Variants in EYA4 observed in about 807,000 individuals in gnomAD.
The protein encoded by EYA4 is EYA transcriptional coactivator and phosphatase 4.
EYA4 carries 31 observed loss-of-function variants against 87.9 expected under a neutral mutation model. That is an observed-to-expected ratio of 0.35 (90% CI 0.27 to 0.48). EYA4 has a LOEUF of 0.48. Among genes scored for constraint, EYA4 ranks in the 20% least tolerant of loss-of-function variants. The probability of loss-of-function intolerance (pLI) is 0.99; values close to 1 mark genes in which losing one functional copy is unlikely to be tolerated. For synonymous variants in EYA4, 263 were observed against 270.6 expected, an observed-to-expected ratio of 0.97 and a Z score of 0.28; for missense variants, 678 against 761.4, an observed-to-expected ratio of 0.89 and a Z score of 1.29.
intron 2 of EYA4, among the ~76,000 whole-genome samples, chr6:133,319,511 C>CCTTT (rs373603703): frequency 5.5e-5 from 8 of 145,438 alleles, no homozygotes; most frequent in African/African-American, 2.0e-4. Flanking sequence ...GATAGTGTCC[C>CCTTT]TTTTTTTTTT....
intron 2 of EYA4, among the ~76,000 whole-genome samples, chr6:133,359,114 G>A (rs577346532): frequency 6.6e-6 from 1 of 152,302 alleles, no homozygotes; most frequent in East Asian, 1.9e-4. Context: ...TCTGACAAAA[G>A]ATACAGAATC....
At chr6:133,467,158 T>C (rs193295020) in intron 10 of EYA4, among the ~76,000 whole-genome samples, 1 of 152,214 alleles carries the variant, frequency 6.6e-6, no homozygotes, top group East Asian at 1.9e-4. Context: ...TATTCCCCAG[T>C]GGGGAATAGC....
At chr6:133,279,669 C>A (rs188919505) in intron 2 of EYA4, among the ~76,000 whole-genome samples, 1 of 151,880 alleles carries the variant, frequency 6.6e-6, no homozygotes. Context: ...TTATTTTTAT[C>A]TCTCTCTTGT....
chr6:133,311,401 C>T (rs1780204111), intron 2 of EYA4, among the ~76,000 whole-genome samples: 1 of 152,144 alleles, frequency 6.6e-6, no homozygotes, highest in Non-Finnish European at 1.5e-5. Flanking sequence ...TCACGGCTCA[C>T]TGCAGCCTCT....
intron 14 of EYA4, among the ~76,000 whole-genome samples, chr6:133,511,980 A>T (rs1000120086): frequency 4.6e-5 from 4 of 86,962 alleles, no homozygotes; most frequent in African/African-American, 2.5e-4. Context: ...GATTCCATAT[A>T]AAAAAAAAAA....
At chr6:133,504,262 G>A (rs1177206259) in intron 13 of EYA4, among the ~76,000 whole-genome samples, 1 of 152,100 alleles carries the variant, frequency 6.6e-6, no homozygotes, top group African/African-American at 2.4e-5. Context: ...ATATTTGTTG[G>A]CTAAAACAGA....
chr6:133,490,863 A>G (rs1797088544), intron 13 of EYA4, among the ~76,000 whole-genome samples: 1 of 152,230 alleles, frequency 6.6e-6, no homozygotes, highest in African/African-American at 2.4e-5. Flanking sequence ...AAATGGACCT[A>G]ATAGATATTT....
intron 5 of EYA4, among the ~76,000 whole-genome samples, chr6:133,450,712 C>T (rs1349316011): frequency 2.0e-5 from 3 of 152,274 alleles, no homozygotes; most frequent in South Asian, 2.1e-4. Flanking sequence ...GGTTTCACCA[C>T]GTTGGCCAGG....
At chr6:133,406,872 A>T (rs559586644) in intron 3 of EYA4, among the ~76,000 whole-genome samples, 1 of 152,304 alleles carries the variant, frequency 6.6e-6, no homozygotes, top group South Asian at 2.1e-4. Flanking sequence ...AATTAGGGAG[A>T]AATGCAGAAT....
chr6:133,280,354 T>A (rs1189293979), intron 2 of EYA4, among the ~76,000 whole-genome samples: 1 of 152,242 alleles, frequency 6.6e-6, no homozygotes, highest in African/African-American at 2.4e-5. Context: ...TGTTTCATAA[T>A]CATTAAGGCT....
intron 1 of EYA4, among the ~76,000 whole-genome samples, chr6:133,254,387 T>G (rs904970585): frequency 6.6e-6 from 1 of 152,186 alleles, no homozygotes; most frequent in Non-Finnish European, 1.5e-5. Context: ...CCCAGATGTA[T>G]CTATTAAAAA....
chr6:133,508,076 G>A (rs1042221879), intron 14 of EYA4, among the ~76,000 whole-genome samples: 8 of 152,114 alleles, frequency 5.3e-5, no homozygotes, highest in South Asian at 4.1e-4. Flanking sequence ...GTAAAAATGA[G>A]TGGTTCAGTA....
intron 1 of EYA4, among the ~76,000 whole-genome samples, chr6:133,255,446 A>G (rs1406683714): frequency 6.6e-6 from 1 of 152,124 alleles, no homozygotes; most frequent in African/African-American, 2.4e-5. Context: ...TCAGTGATCA[A>G]CTTTTGATTT....
chr6:133,266,022 C>T (rs762607197), intron 1 of EYA4, among the ~76,000 whole-genome samples: 9 of 152,072 alleles, frequency 5.9e-5, no homozygotes, highest in African/African-American at 1.2e-4. Flanking sequence ...ACTTTGATGA[C>T]GTCTTAAAAA....
intron 2 of EYA4, among the ~76,000 whole-genome samples, chr6:133,306,632 T>G (rs1409885700): frequency 6.6e-6 from 1 of 152,232 alleles, no homozygotes; most frequent in East Asian, 1.9e-4. Flanking sequence ...TGTTTTATAT[T>G]TAATTATATT....
At chr6:133,403,132 A>G (rs138587347) in intron 3 of EYA4, among the ~76,000 whole-genome samples, 125 of 152,286 alleles carry the variant, frequency 8.2e-4, no homozygotes, top group Middle Eastern at 6.8e-3. Flanking sequence ...CATTTTGTGG[A>G]AAAGGAAACA....
chr6:133,488,839 A>G (rs1796899402), intron 13 of EYA4, among the ~76,000 whole-genome samples: 1 of 152,202 alleles, frequency 6.6e-6, no homozygotes, highest in Non-Finnish European at 1.5e-5. Context: ...GTAAATACCT[A>G]ACTCTTCAAT....
chr6:133,287,593 G>A (rs1778164687), intron 2 of EYA4, among the ~76,000 whole-genome samples: 1 of 152,130 alleles, frequency 6.6e-6, no homozygotes, highest in African/African-American at 2.4e-5. Context: ...GTTCTTGGGT[G>A]GCCACCATGA....
chr6:133,422,354 A>G (rs925581647), intron 3 of EYA4, among the ~76,000 whole-genome samples: 1 of 152,222 alleles, frequency 6.6e-6, no homozygotes, highest in Non-Finnish European at 1.5e-5. Context: ...AGTTTTAAAA[A>G]TCCACATAAA....
Sources: allele counts gnomAD v4.1 joint callset (sites outside exome capture counted in the v4.1 genomes callset), GRCh38; gene constraint gnomAD v4.1.1; transcripts MANE v1.5; gene names NCBI Gene and HGNC (gene_info 2026-07-23, HGNC 2026-07-21).